Variants in FBXO21 observed in about 807,000 individuals in gnomAD.
FBXO21 encodes F-box only protein 21.
FBXO21 carries 32 observed loss-of-function variants against 76.6 expected under a neutral mutation model. That is an observed-to-expected ratio of 0.42 (90% CI 0.32 to 0.56). The LOEUF (loss-of-function observed/expected upper bound fraction) is 0.56. Ranked by LOEUF, FBXO21 falls within the 20% of genes least tolerant of loss-of-function variation. The pLI, the probability that FBXO21 is intolerant of heterozygous loss-of-function variation, is 0.16. For missense variants in FBXO21, 586 were observed against 797.3 expected (o/e 0.73, Z 3.19); for synonymous variants, 328 against 311.5 (o/e 1.05, Z -0.56).
chr12:117,174,867 C>G, intron 4 of FBXO21, 70 bp from the exon 5 acceptor site: 1 of 1,507,308 alleles, frequency 6.6e-7, no homozygotes, highest in Non-Finnish European at 9.1e-7. Context: ...CAATTTTACC[C>G]TGGACATCCT....
chr12:117,176,322 T>C (rs939244508), intron 4 of FBXO21, among the ~76,000 whole-genome samples: 1 of 152,004 alleles, frequency 6.6e-6, no homozygotes, highest in East Asian at 1.9e-4. Context: ...GGGAGTAGGA[T>C]TTTCAAGAGG....
chr12:117,177,439 AC>A, intron 4 of FBXO21, 80 bp downstream of exon 4: 1 of 1,428,008 alleles, frequency 7.0e-7, no homozygotes, highest in Non-Finnish European at 9.6e-7. Flanking sequence ...CACAAGGAAC[AC>A]AATTCCCTCT....
intron 3 of FBXO21, 92 bp from the exon 4 acceptor site, chr12:117,177,733 C>A (rs961975188): frequency 1.9e-6 from 2 of 1,034,872 alleles, no homozygotes; most frequent in South Asian, 1.6e-5. Flanking sequence ...GTTTGCTTAA[C>A]AAGAAAAATA....
At chr12:117,165,129 G>C (rs1397270457) in intron 9 of FBXO21, among the ~76,000 whole-genome samples, 1 of 152,178 alleles carries the variant, frequency 6.6e-6, no homozygotes, top group Non-Finnish European at 1.5e-5. Context: ...CAATGTAGTT[G>C]CTAACAGTAC....
intron 4 of FBXO21, 108 bp from the exon 5 acceptor site, chr12:117,174,905 T>C (rs1332906262): frequency 1.8e-6 from 2 of 1,119,036 alleles, no homozygotes; most frequent in Non-Finnish European, 2.5e-6. Flanking sequence ...ACCATCCCAC[T>C]GGACAAGCTT....
rs116420127 is a variant in FBXO21, at chr12:117,142,472, C to A, written c.*3615G>T. Reference sequence around the variant, plus strand: ...CATGTGACAGTCTGTACGTGGCCTGCAAAGCCTAAAATCTTTACTATCTGC... The same window carrying A: ...CATGTGACAGTCTGTACGTGGCCTGAAAAGCCTAAAATCTTTACTATCTGC... On this transcript the variant is annotated 3_prime_UTR_variant, in exon 12 of 12. Transcript: ENST00000622495. 1 of 152,322 alleles carries A rather than the reference C, an allele frequency of 6.6e-6. No individual in the cohort carries two copies. The highest frequency in any genetic ancestry group is 1.9e-4 in the East Asian group (1 of 5,192). The allele number at this position is 152,322 out of a possible 1,614,324, so 9.4% of individuals were successfully genotyped here.
At position 117,190,263 on chromosome 12, in the gene FBXO21, A is replaced by T. The variant is rs1277402135; in HGVS notation, c.194T>A (p.Leu65Gln). 1 of 1,546,122 alleles carries T rather than the reference A, an allele frequency of 6.5e-7. No individual in the cohort carries two copies. The change falls in exon 1 of 12, where the codon CTG (leucine) becomes CAG (glutamine). Residue 65 changes from leucine to glutamine, a missense_variant. By Grantham distance (113) the Leu-to-Gln change is moderately radical. Around this residue, in one of 6 missense-constraint regions of FBXO21, gnomAD observed 152 missense variants for 127.2 expected, o/e 1.19. Coordinates refer to ENST00000622495, the MANE Select transcript of FBXO21 (RefSeq NM_015002.3). ...VSSTCRRLRE[L>Q]CQSSGKVWKE... ...CCACACCTTCCCGCTGCTCTGGCAC[A>T]GCTCGCGCAGCCGCCGGCAGGTGCT...
chr12:117,162,232 T>C (rs1190444973), intron 9 of FBXO21, among the ~76,000 whole-genome samples: 1 of 151,922 alleles, frequency 6.6e-6, no homozygotes, highest in Non-Finnish European at 1.5e-5. Context: ...AGGAGAACTA[T>C]GGATCATGAT....
intron 9 of FBXO21, among the ~76,000 whole-genome samples, chr12:117,164,749 G>A (rs552918281): frequency 1.1e-4 from 16 of 152,246 alleles, no homozygotes; most frequent in African/African-American, 3.9e-4. Context: ...AATGACACAG[G>A]GAGATGAGTT....
At chr12:117,183,946 G>T (rs1392925757) in intron 3 of FBXO21, among the ~76,000 whole-genome samples, 1 of 152,038 alleles carries the variant, frequency 6.6e-6, no homozygotes, top group Non-Finnish European at 1.5e-5. Context: ...TTCCCTCTGA[G>T]TTTAAATATA....
At chr12:117,182,796 C>T (rs1302573347) in intron 3 of FBXO21, among the ~76,000 whole-genome samples, 2 of 151,948 alleles carry the variant, frequency 1.3e-5, no homozygotes, top group Non-Finnish European at 2.9e-5. Context: ...CTCCTGACCT[C>T]AAGTGATCAA....
chr12:117,159,902 C>T (rs1297523749), intron 9 of FBXO21, among the ~76,000 whole-genome samples: 3 of 152,174 alleles, frequency 2.0e-5, no homozygotes, highest in East Asian at 1.9e-4. Context: ...TGGCTGAGCG[C>T]GAAGGGAGAG....
rs1214340648 is a variant in FBXO21, at chr12:117,144,692, A to G, written c.*1395T>C. ...TAACTAGGTCCTAACTTCGGAAGTT[A>G]GCTTCTATCGATTAATGACAAGATT... On this transcript the variant is annotated 3_prime_UTR_variant, in exon 12 of 12. Coordinates refer to ENST00000622495, the MANE Select transcript of FBXO21 (RefSeq NM_015002.3). 3 of 152,234 alleles carry G rather than the reference A, an allele frequency of 2.0e-5. No homozygotes were observed. Among genetic ancestry groups the G allele is most frequent in the African/African-American group, 7.2e-5 (3 of 41,460 alleles). The allele number at this position is 152,234 out of a possible 1,614,324, so 9.4% of individuals were successfully genotyped here.
rs28737367 is a variant in FBXO21, at chr12:117,188,944, T to A, written c.375+283A>T. ...GTTGAACCCATTTGAGAAATAATGCTGATCTGGACTCCGTCTACATTGTGC... is the reference window on the plus strand; with the variant it reads ...GTTGAACCCATTTGAGAAATAATGCAGATCTGGACTCCGTCTACATTGTGC... On this transcript the variant is annotated intron_variant, in intron 2 of 11. Coordinates refer to ENST00000622495, the MANE Select transcript of FBXO21 (RefSeq NM_015002.3). 6.4e-3 allele frequency: 2,065 copies of A among 324,314 alleles called. 34 individuals carry two copies. The highest frequency in any genetic ancestry group is 0.04 in the African/African-American group (1,924 of 48,182). 20.1% of individuals were successfully genotyped at this position (324,314 alleles called of 1,614,324 possible). A position where few individuals can be genotyped will look rare whatever the true frequency, so the allele number is the denominator to read the frequency against.
At chr12:117,148,727 AG>A (rs1331091966) in intron 11 of FBXO21, among the ~76,000 whole-genome samples, 1 of 152,222 alleles carries the variant, frequency 6.6e-6, no homozygotes, top group Non-Finnish European at 1.5e-5. Context: ...GAAGGGAACC[AG>A]AAGTAAGAAA....
chr12:117,152,524 GA>G (rs561682078), intron 11 of FBXO21, among the ~76,000 whole-genome samples: 252 of 129,932 alleles, frequency 1.9e-3, no homozygotes, highest in African/African-American at 5.6e-3. Flanking sequence ...AAAGTCATAT[GA>G]AAAAGGGGGG....
chr12:117,171,421 G>A (rs914571998), intron 7 of FBXO21, among the ~76,000 whole-genome samples: 23 of 150,914 alleles, frequency 1.5e-4, no homozygotes, highest in African/African-American at 4.9e-4. Flanking sequence ...TAGCTCTGGA[G>A]AGGAGAAAGG....
chr12:117,172,616 G>GA lies in FBXO21; in HGVS notation c.877-10dup, dbSNP rs1356795365. 1 of 1,604,460 alleles carries GA rather than the reference G, an allele frequency of 6.2e-7. No individual in the cohort carries two copies. The highest frequency in any genetic ancestry group is 8.5e-7 in the Non-Finnish European group (1 of 1,174,306). On this transcript the variant is annotated splice_polypyrimidine_tract_variant and intron_variant, in intron 6 of 11. Transcript: ENST00000622495. ...GTTCTGCGAATCAAAACCTAAAGCA[G>GA]AAAAAATGCTTTTATTTCACTGGGA...
At chr12:117,172,419 C>T in intron 7 of FBXO21, 52 bp downstream of exon 7, 1 of 1,589,478 alleles carries the variant, frequency 6.3e-7, no homozygotes, top group Non-Finnish European at 8.6e-7. Context: ...TGCCTCTCAG[C>T]ACAGAGGGAC....
Sources: allele counts gnomAD v4.1 joint callset (sites outside exome capture counted in the v4.1 genomes callset), GRCh38; gene constraint gnomAD v4.1.1; regional missense constraint gnomAD v4.1.1; transcripts MANE v1.5; gene names NCBI Gene and HGNC (gene_info 2026-07-23, HGNC 2026-07-21).